AKT3: variants seen among roughly 807,000 people sequenced by gnomAD.
The protein encoded by AKT3 is AKT serine/threonine kinase 3.
A neutral mutation model predicts 65.3 loss-of-function variants in AKT3; 15 were observed. That is an observed-to-expected ratio of 0.23 (90% confidence interval 0.15 to 0.35). The LOEUF (loss-of-function observed/expected upper bound fraction) is 0.35. Ranked by LOEUF, AKT3 falls within the 10% of genes least tolerant of loss-of-function variation. AKT3 has a pLI of 1.00. For missense variants in AKT3, 243 were observed against 576.5 expected (o/e 0.42, Z 5.92); for synonymous variants, 206 against 183.8 (o/e 1.12, Z -0.98).
At chr1:243,692,855 GA>G (rs1221649503) in intron 3 of AKT3, among the ~76,000 whole-genome samples, 2 of 151,834 alleles carry the variant, frequency 1.3e-5, no homozygotes, top group Non-Finnish European at 2.9e-5. Flanking sequence ...TTTGTTATAG[GA>G]GCCTCAGCCA....
chr1:243,817,363 G>A (rs973734195), intron 2 of AKT3, among the ~76,000 whole-genome samples: 1 of 152,174 alleles, frequency 6.6e-6, no homozygotes, highest in Admixed American at 6.5e-5. Context: ...ACAACAACAC[G>A]ACACTGCCAA....
intron 2 of AKT3, among the ~76,000 whole-genome samples, chr1:243,829,140 T>C (rs1231858200): frequency 2.0e-5 from 3 of 152,214 alleles, no homozygotes; most frequent in Non-Finnish European, 4.4e-5. Context: ...TTTGGCATTT[T>C]CTTCTAGTTC....
intron 12 of AKT3, among the ~76,000 whole-genome samples, chr1:243,515,654 A>G (rs1245480193): frequency 1.3e-5 from 2 of 152,250 alleles, no homozygotes; most frequent in African/African-American, 4.8e-5. Flanking sequence ...ACATTTTAGC[A>G]TATATATTCA....
intron 1 of AKT3, chr1:243,843,712 C>T (rs1172034566): frequency 1.8e-5 from 7 of 397,232 alleles, no homozygotes; most frequent in East Asian, 1.6e-4. Flanking sequence ...AGTACAGTGG[C>T]GCGATCTCTG....
intron 4 of AKT3, among the ~76,000 whole-genome samples, chr1:243,662,129 A>AT (rs1682400042): frequency 1.3e-5 from 2 of 151,944 alleles, no homozygotes; most frequent in Non-Finnish European, 2.9e-5. Flanking sequence ...TAGTTCAACC[A>AT]TTGTGGAAGT....
At chr1:243,642,337 T>C (rs1680459729) in intron 5 of AKT3, among the ~76,000 whole-genome samples, 1 of 152,154 alleles carries the variant, frequency 6.6e-6, no homozygotes, top group Middle Eastern at 3.2e-3. Flanking sequence ...TGAGACGGAG[T>C]CTCGCTCTGT....
intron 2 of AKT3, among the ~76,000 whole-genome samples, chr1:243,714,386 C>T (rs189706537): frequency 4.6e-5 from 7 of 152,224 alleles, no homozygotes; most frequent in African/African-American, 1.4e-4. Flanking sequence ...CTAATGAATA[C>T]AAGTTCATTG....
chr1:243,784,409 T>C (rs768059341), intron 2 of AKT3, among the ~76,000 whole-genome samples: 13 of 151,588 alleles, frequency 8.6e-5, no homozygotes, highest in Admixed American at 5.9e-4. Flanking sequence ...GCTTATAAAA[T>C]TGGGGGAACA....
chr1:243,637,845 C>CCA (rs1295197884), intron 5 of AKT3, 103 bp from the exon 6 acceptor site: 9 of 710,220 alleles, frequency 1.3e-5, no homozygotes, highest in Non-Finnish European at 1.5e-5. Context: ...CCAAATTTTA[C>CCA]CAATTTATAA....
At chr1:243,541,501 A>G (rs753128522) in intron 12 of AKT3, among the ~76,000 whole-genome samples, 1 of 151,408 alleles carries the variant, frequency 6.6e-6, no homozygotes, top group Non-Finnish European at 1.5e-5. Context: ...TTCTCCCCCT[A>G]TACTAGTGCT....
intron 11 of AKT3, among the ~76,000 whole-genome samples, chr1:243,551,305 A>G (rs1673046174): frequency 6.6e-6 from 1 of 152,212 alleles, no homozygotes; most frequent in South Asian, 2.1e-4. Flanking sequence ...AAGGGAATTA[A>G]TAGCTGTGAA....
At chr1:243,666,419 T>C (rs924310952) in intron 3 of AKT3, among the ~76,000 whole-genome samples, 3 of 152,190 alleles carry the variant, frequency 2.0e-5, no homozygotes, top group Non-Finnish European at 4.4e-5. Context: ...TTTACCAATA[T>C]CAAAATCCAA....
rs1156680828 is a variant in AKT3 at position 243,730,663 on chromosome 1, G to A, written c.47-34947C>T. Among the ~76,000 whole-genome samples, 3 of 152,212 alleles carry A rather than the reference G, an allele frequency of 2.0e-5. No individual in the cohort carries two copies. The East Asian group carries it at 5.8e-4, about 29-fold the overall frequency. On this transcript the variant is annotated intron_variant, in intron 2 of 13. Transcript: ENST00000673466. ...CCTGGGAGCCGCCGGCTGGGGTGAG[G>A]TGGTGGGACTGAACAAGCTGAAACC... is the stretch of plus-strand genomic sequence containing the variant.
At chr1:243,633,645 G>A (rs1192102134) in intron 6 of AKT3, among the ~76,000 whole-genome samples, 1 of 151,690 alleles carries the variant, frequency 6.6e-6, no homozygotes, top group Non-Finnish European at 1.5e-5. Context: ...ATACACAACA[G>A]GAAATGACAA....
chr1:243,759,076 G>A (rs990797022), intron 2 of AKT3, among the ~76,000 whole-genome samples: 1 of 152,224 alleles, frequency 6.6e-6, no homozygotes, highest in Non-Finnish European at 1.5e-5. Context: ...CACTTTGGGA[G>A]GCCAAGGCAG....
At chr1:243,624,234 GC>G (rs1678983991) in intron 6 of AKT3, among the ~76,000 whole-genome samples, 1 of 152,198 alleles carries the variant, frequency 6.6e-6, no homozygotes, top group Admixed American at 6.5e-5. Flanking sequence ...GCTGTACTGT[GC>G]TGTTACTACA....
chr1:243,756,838 T>A (rs1436855861), intron 2 of AKT3, among the ~76,000 whole-genome samples: 2 of 152,212 alleles, frequency 1.3e-5, no homozygotes, highest in African/African-American at 4.8e-5. Flanking sequence ...TACCTTCAGG[T>A]GATCAAAGTT....
At chr1:243,770,321 C>T (rs1690098765) in intron 2 of AKT3, among the ~76,000 whole-genome samples, 1 of 152,048 alleles carries the variant, frequency 6.6e-6, no homozygotes, top group South Asian at 2.1e-4. Context: ...TATCCTATCC[C>T]ATTATTTAAT....
At chr1:243,624,421 A>T (rs1314213337) in intron 6 of AKT3, among the ~76,000 whole-genome samples, 3 of 152,224 alleles carry the variant, frequency 2.0e-5, no homozygotes, top group Non-Finnish European at 4.4e-5. Context: ...TTGCATTTCA[A>T]AGGAAATTAT....
Sources: gnomAD v4.1 joint callset for allele counts (sites outside exome capture counted in the v4.1 genomes callset) on GRCh38, gnomAD v4.1.1 for gene constraint, MANE v1.5 for transcripts, NCBI Gene and HGNC (gene_info 2026-07-23, HGNC 2026-07-21) for gene names.